The following KCNT1 variants were observed in gnomAD, a reference collection of about 807,000 sequenced individuals.
KCNT1 encodes the protein potassium channel subfamily T member 1.
In KCNT1, 78 loss-of-function variants were observed where a neutral mutation model predicts 147.8. The observed-to-expected ratio is 0.53, with a 90% CI of 0.44 to 0.64. The LOEUF (loss-of-function observed/expected upper bound fraction) is 0.64. Among genes scored for constraint, KCNT1 ranks in the 30% least tolerant of loss-of-function variants. The pLI is 0.00. For missense variants in KCNT1, 1,419 were observed against 1,750.3 expected, an observed-to-expected ratio of 0.81 and a Z score of 3.38; for synonymous variants, 867 against 748.8, an observed-to-expected ratio of 1.16 and a Z score of -2.58.
At chr9:135,772,979 T>TG in intron 19 of KCNT1, 30 bp downstream of exon 19, 7 of 1,407,092 alleles carry the variant, frequency 5.0e-6, no homozygotes, top group South Asian at 1.5e-5. Flanking sequence ...CGGCTCCCAG[T>TG]GGGGGGAGGA....
chr9:135,703,635 C>T (rs1242671849), intron 1 of KCNT1, among the ~76,000 whole-genome samples: 3 of 152,216 alleles, frequency 2.0e-5, no homozygotes, highest in Non-Finnish European at 4.4e-5. Flanking sequence ...GAAAATGACC[C>T]CAAGGGGGTC....
chr9:135,760,479 G>T lies in KCNT1; in HGVS notation c.1035+620G>T, dbSNP rs577845148. ...TGGGAGAAGGAGGGGACCCCTGTGG[G>T]TGGTGGAACATTTTCCAGGAGGCTG... is the stretch of plus-strand genomic sequence containing the variant. On this transcript the variant is annotated intron_variant, in intron 11 of 30. Transcript: ENST00000371757. Among the ~76,000 whole-genome samples the T allele has an allele frequency of 2.1e-3, 317 of 152,350 alleles. 1 individual carries two copies. The highest frequency in any genetic ancestry group is 6.8e-3 in the Middle Eastern group (2 of 294).
At chr9:135,706,264 C>T (rs947895966) in intron 1 of KCNT1, among the ~76,000 whole-genome samples, 8 of 152,248 alleles carry the variant, frequency 5.3e-5, no homozygotes, top group Non-Finnish European at 1.2e-4. Context: ...CCAGCCAGTT[C>T]GTCTTTGCCT....
chr9:135,770,188 G>T, intron 16 of KCNT1, 110 bp from the exon 17 acceptor site: 1 of 1,418,692 alleles, frequency 7.0e-7, no homozygotes, highest in Non-Finnish European at 9.6e-7. Context: ...CCTGCATAGG[G>T]AGGGGATCCA....
intron 2 of KCNT1, among the ~76,000 whole-genome samples, chr9:135,727,390 T>TCTCTCTCCCA (rs938248376): frequency 4.1e-5 from 5 of 122,844 alleles, no homozygotes; most frequent in African/African-American, 1.6e-4. Context: ...TCTCTCTCCC[T>TCTCTCTCCCA]CTCTCTCCCA....
chr9:135,750,295 G>A (rs1303077171), intron 3 of KCNT1, 118 bp downstream of exon 3: 13 of 785,180 alleles, frequency 1.7e-5, no homozygotes, highest in Non-Finnish European at 2.8e-5. Flanking sequence ...TGGGGTGGGA[G>A]CCACCTGAGT....
chr9:135,749,171 C>T (rs912433629), intron 2 of KCNT1, among the ~76,000 whole-genome samples: 1 of 152,200 alleles, frequency 6.6e-6, no homozygotes, highest in Admixed American at 6.5e-5. Context: ...CCAGCACAGC[C>T]GGGCACAGGA....
chr9:135,765,112 C>CACGT lies in KCNT1; in HGVS notation c.1118_1121dup (p.Val375ArgfsTer122). 6.2e-7 allele frequency: 1 copy of CACGT among 1,613,544 alleles called. No individual in the cohort carries two copies. ...CCGCCACCGTGCGCAGACGGAGAAG[C>CACGT]ACGTGGTCCTGTGTGTCAGCTCCCT... On this transcript the variant is annotated frameshift_variant, in exon 12 of 31. Coordinates refer to ENST00000371757, the MANE Select transcript of KCNT1 (RefSeq NM_020822.3). LOFTEE classifies it high-confidence loss of function.
At chr9:135,742,055 ACTGGGGCCAGGTTGC>A (rs1343043666) in intron 2 of KCNT1, among the ~76,000 whole-genome samples, 4 of 152,172 alleles carry the variant, frequency 2.6e-5, no homozygotes, top group South Asian at 4.1e-4. Flanking sequence ...GTCTGGGACA[ACTGGGGCCAGGTTGC>A]CTGGGGCCAG....
chr9:135,731,523 G>C (rs1836429186), intron 2 of KCNT1, among the ~76,000 whole-genome samples: 1 of 149,168 alleles, frequency 6.7e-6, no homozygotes, highest in Non-Finnish European at 1.5e-5. Flanking sequence ...ATTTCTTTTA[G>C]CAGCTTCATT....
In KCNT1 at chr9:135,772,892, G is replaced by A. The variant is rs1832855607; in HGVS notation, c.2186G>A (p.Ser729Asn). The part of the protein sequence containing the change: ...SSALLPCDLL[S>N]DQSEDEVTPS... ...GCCCTGCTGCCCTGCGACCTGCTGA[G>A]CGACCAGTCGGAGGATGAGGTGACG... The change falls in exon 19 of 31, where the codon AGC (serine) becomes AAC (asparagine). Residue 729 changes from serine (S) to asparagine (N), a missense_variant. Around this residue, in one of 5 missense-constraint regions of KCNT1, gnomAD observed 284 missense variants for 292.8 expected, o/e 0.97. Transcript: ENST00000371757. 1.9e-6 allele frequency: 3 copies of A among 1,559,266 alleles called. No homozygotes were observed. The highest frequency in any genetic ancestry group is 2.7e-5 in the African/African-American group (2 of 73,702).
chr9:135,785,818 C>T (rs541389890), intron 28 of KCNT1: 9 of 417,042 alleles, frequency 2.2e-5, no homozygotes, highest in South Asian at 1.0e-4. Context: ...GAAATTGACA[C>T]GCAGAGGGGG....
At chr9:135,786,158 C>T in intron 28 of KCNT1, 39 bp from the exon 29 acceptor site, 4 of 1,561,230 alleles carry the variant, frequency 2.6e-6, no homozygotes, top group Non-Finnish European at 2.6e-6. Flanking sequence ...TCCCGGCAGC[C>T]TCACCCCTCC....
intron 15 of KCNT1, among the ~76,000 whole-genome samples, chr9:135,769,714 T>C: frequency 6.6e-6 from 1 of 152,008 alleles, no homozygotes; most frequent in Non-Finnish European, 1.5e-5. Flanking sequence ...CTGGAACTCC[T>C]CGCTGAGCTG....
chr9:135,767,846 G>A (rs1359759848), intron 13 of KCNT1, among the ~76,000 whole-genome samples: 2 of 152,088 alleles, frequency 1.3e-5, no homozygotes, highest in Non-Finnish European at 2.9e-5. Context: ...GGGCCTGGGG[G>A]AGGAAGGGCA....
intron 2 of KCNT1, among the ~76,000 whole-genome samples, chr9:135,732,148 A>G (rs944952260): frequency 6.0e-5 from 9 of 150,710 alleles, no homozygotes; most frequent in African/African-American, 2.2e-4. Context: ...CCTCCCCAGT[A>G]GCTGGGATTA....
chr9:135,750,448 C>T (rs527960193), intron 3 of KCNT1: 37 of 536,606 alleles, frequency 6.9e-5, no homozygotes, highest in African/African-American at 6.6e-4. Flanking sequence ...CTGCTGGACA[C>T]CAGGCTGGGT....
At chr9:135,755,247 T>C in intron 6 of KCNT1, 78 bp downstream of exon 6, 1 of 1,315,952 alleles carries the variant, frequency 7.6e-7, no homozygotes, top group Non-Finnish European at 1.0e-6. Flanking sequence ...ACTCAGTAAG[T>C]AGGGAACCCA....
intron 2 of KCNT1, among the ~76,000 whole-genome samples, chr9:135,732,042 G>GAGAGAGAGAGAGAGAGT (rs1554766213): frequency 1.9e-5 from 1 of 52,696 alleles, no homozygotes; most frequent in Admixed American, 2.1e-4. Flanking sequence ...AGAGAGAGAG[G>GAGAGAGAGAGAGAGAGT]GAGTCTCACT....
Sources: gnomAD v4.1 joint callset for allele counts (sites outside exome capture counted in the v4.1 genomes callset) on GRCh38, gnomAD v4.1.1 for gene constraint, gnomAD v4.1.1 regional missense constraint, MANE v1.5 for transcripts, NCBI Gene and HGNC (gene_info 2026-07-23, HGNC 2026-07-21) for gene names.